The following KATNAL2 variants were observed in gnomAD, a reference collection of about 807,000 sequenced individuals.
KATNAL2 encodes katanin catalytic subunit A1 like 2, also known as katanin p60 ATPase-containing subunit A-like 2.
A neutral mutation model predicts 76.3 loss-of-function variants in KATNAL2; 52 were observed. The observed-to-expected ratio is 0.68, with a 90% CI of 0.55 to 0.86. The LOEUF (loss-of-function observed/expected upper bound fraction) is 0.86. Ranked by LOEUF, KATNAL2 falls within the 40% of genes least tolerant of loss-of-function variation. The probability of loss-of-function intolerance (pLI) is 0.00; values close to 1 mark genes in which losing one functional copy is unlikely to be tolerated. For missense variants in KATNAL2, 660 were observed against 668.9 expected, an observed-to-expected ratio of 0.99 and a Z score of 0.15; for synonymous variants, 243 against 244.2, an observed-to-expected ratio of 1.00 and a Z score of 0.05.
At chr18:47,096,070 T>C (rs1433914929) in intron 15 of KATNAL2, among the ~76,000 whole-genome samples, 1 of 152,188 alleles carries the variant, frequency 6.6e-6, no homozygotes, top group African/African-American at 2.4e-5. Flanking sequence ...ATTGTTACTG[T>C]CGGTAAGGCA....
At chr18:46,961,117 A>G (rs976946641) in intron 3 of KATNAL2, among the ~76,000 whole-genome samples, 1 of 152,274 alleles carries the variant, frequency 6.6e-6, no homozygotes, top group African/African-American at 2.4e-5. Context: ...GAATTTACAG[A>G]TAACACAAGT....
intron 4 of KATNAL2, among the ~76,000 whole-genome samples, chr18:47,046,943 CT>C (rs200863941): frequency 1.3e-4 from 20 of 151,872 alleles, no homozygotes; most frequent in Middle Eastern, 3.4e-3. Context: ...CAGACATACA[CT>C]TTTTTTTTCT....
intron 1 of KATNAL2, among the ~76,000 whole-genome samples, chr18:46,932,909 C>T (rs1163220871): frequency 3.3e-5 from 5 of 151,654 alleles, no homozygotes; most frequent in African/African-American, 9.7e-5. Context: ...GGATTACAGG[C>T]GCGCTACCAT....
intron 13 of KATNAL2, among the ~76,000 whole-genome samples, chr18:47,072,531 G>A (rs373139622): frequency 1.3e-5 from 2 of 152,066 alleles, no homozygotes; most frequent in Non-Finnish European, 2.9e-5. Flanking sequence ...CTGCAGCCTC[G>A]ACCTCCTGGG....
chr18:47,064,507 C>T (rs1274113769), intron 10 of KATNAL2, among the ~76,000 whole-genome samples: 1 of 152,092 alleles, frequency 6.6e-6, no homozygotes, highest in African/African-American at 2.4e-5. Context: ...AGGCGCCCGT[C>T]GGAGGATGGG....
At chr18:47,067,504 C>T (rs1005880596) in intron 11 of KATNAL2, among the ~76,000 whole-genome samples, 1 of 152,142 alleles carries the variant, frequency 6.6e-6, no homozygotes, top group Non-Finnish European at 1.5e-5. Flanking sequence ...CCCCTGCCCC[C>T]CTGACCTACC....
intron 3 of KATNAL2, among the ~76,000 whole-genome samples, chr18:47,040,439 T>C (rs1283802345): frequency 2.0e-5 from 3 of 152,082 alleles, no homozygotes; most frequent in East Asian, 3.9e-4. Context: ...TGAGGAGGAG[T>C]TGATGAAAGG....
chr18:46,927,863 C>T (rs928071517), intron 1 of KATNAL2, among the ~76,000 whole-genome samples: 17 of 152,292 alleles, frequency 1.1e-4, no homozygotes, highest in Middle Eastern at 3.4e-3. Context: ...ACCCTTTCTT[C>T]CAGTTGATTG....
At chr18:47,035,503 A>C in intron 3 of KATNAL2, 1 of 831,160 alleles carries the variant, frequency 1.2e-6, no homozygotes, top group Admixed American at 2.9e-5. Context: ...ATGTGGAGCC[A>C]CAGCCTGGAG....
chr18:47,046,533 T>G lies in KATNAL2; in HGVS notation c.122+6T>G, dbSNP rs893055687. On this transcript the variant is annotated splice_donor_region_variant and intron_variant, in intron 4 of 17. Transcript: ENST00000683218. ...CATTATTTAACACAAGAAGGGTATG[T>G]TACAGTACAAACATTTATAGAGATG... 1 of 1,521,224 alleles carries G rather than the reference T, an allele frequency of 6.6e-7. No individual in the cohort carries two copies. Among genetic ancestry groups the G allele is most frequent in the South Asian group, 1.2e-5 (1 of 83,732 alleles). 94.2% of individuals were successfully genotyped at this position (1,521,224 alleles called of 1,614,324 possible).
chr18:47,031,441 G>A (rs1222848037), intron 3 of KATNAL2, among the ~76,000 whole-genome samples: 2 of 151,970 alleles, frequency 1.3e-5, no homozygotes, highest in Non-Finnish European at 2.9e-5. Context: ...GTGTGTTGTG[G>A]TGGGGGCGGG....
rs1346171096 is a variant in KATNAL2, at chr18:47,100,287, C to T, written c.1408C>T (p.Leu470Phe). The change falls in exon 17 of 18, where the codon CTC (leucine) becomes TTC (phenylalanine). Residue 470 changes from leucine (L) to phenylalanine (F), a missense_variant. Transcript: ENST00000683218. ...GGGCTACTCAGGCTCAGATATTAAG[C>T]TCGTCTGCAGGGAAGCAGCCATGCG... ...TEGYSGSDIK[L>F]VCREAAMRPV... is the part of the protein sequence containing the mutation. 6.2e-7 allele frequency: 1 copy of T among 1,614,078 alleles called. No individual in the cohort carries two copies. Among genetic ancestry groups the T allele is most frequent in the Non-Finnish European group, 8.5e-7 (1 of 1,179,962 alleles).
At chr18:47,034,362 T>A in intron 3 of KATNAL2, 1 of 1,614,006 alleles carries the variant, frequency 6.2e-7, no homozygotes, top group Non-Finnish European at 8.5e-7. Context: ...GGTGACTGTC[T>A]GGAGCCTCCT....
Position 47,058,228 on chromosome 18 carries a change from C to T in KATNAL2, c.333-7C>T. 1 of 1,590,298 alleles carries T rather than the reference C, an allele frequency of 6.3e-7. No homozygotes were observed. The highest frequency in any genetic ancestry group is 1.1e-5 in the South Asian group (1 of 90,578). On this transcript the variant is annotated splice_region_variant and splice_polypyrimidine_tract_variant and intron_variant, in intron 6 of 17. Coordinates refer to ENST00000683218, the MANE Select transcript of KATNAL2 (RefSeq NM_001387690.1). ...ATTTCTTCCAAGGTCTTTGTTCCCT[C>T]CCTTAGGATGATGAACGACAGTTGT...
intron 5 of KATNAL2, 148 bp downstream of exon 5, chr18:47,053,194 C>A: frequency 1.6e-6 from 1 of 626,578 alleles, no homozygotes; most frequent in Non-Finnish European, 2.7e-6. Context: ...ATATCCAGCA[C>A]AGACAACTGA....
chr18:47,044,777 A>C (rs1305665376), intron 3 of KATNAL2, among the ~76,000 whole-genome samples: 2 of 145,434 alleles, frequency 1.4e-5, no homozygotes, highest in Non-Finnish European at 3.0e-5. Flanking sequence ...AAAAACAAAA[A>C]CAAAAACAAA....
At chr18:47,083,312 A>G (rs2062617196) in intron 15 of KATNAL2, among the ~76,000 whole-genome samples, 1 of 152,220 alleles carries the variant, frequency 6.6e-6, no homozygotes. Flanking sequence ...GAGTAGACTT[A>G]TCTGATTCAA....
At chr18:47,034,410 CCCTT>C in intron 3 of KATNAL2, 1 of 1,614,106 alleles carries the variant, frequency 6.2e-7, no homozygotes, top group Non-Finnish European at 8.5e-7. Flanking sequence ...CAGCTTGCCC[CCCTT>C]CCTTGTCTGT....
intron 15 of KATNAL2, among the ~76,000 whole-genome samples, chr18:47,096,610 A>G (rs1009758812): frequency 3.2e-4 from 49 of 152,304 alleles, no homozygotes; most frequent in African/African-American, 1.2e-3. Flanking sequence ...GGCGTGAGCC[A>G]CCGCACTCAG....
Sources: gnomAD v4.1 joint callset for allele counts (sites outside exome capture counted in the v4.1 genomes callset) on GRCh38, gnomAD v4.1.1 for gene constraint, MANE v1.5 for transcripts, NCBI Gene and HGNC (gene_info 2026-07-23, HGNC 2026-07-21) for gene names.